ADK: variants seen among roughly 807,000 people sequenced by gnomAD.
ADK encodes the protein adenosine kinase.
A neutral mutation model predicts 44.7 loss-of-function variants in ADK; 24 were observed. That is an observed-to-expected ratio of 0.54 (90% CI 0.39 to 0.76). The LOEUF (loss-of-function observed/expected upper bound fraction) is 0.76, where lower values mean the gene tolerates loss of function less well. ADK is among the 30% of genes least tolerant of loss of function. ADK has a pLI of 0.00. For missense variants in ADK, 321 were observed against 425.1 expected (o/e 0.76, Z 2.15); for synonymous variants, 128 against 142.6 (o/e 0.90, Z 0.73).
intron 3 of ADK, among the ~76,000 whole-genome samples, chr10:74,235,164 C>T (rs1235077966): frequency 2.2e-5 from 3 of 133,506 alleles, no homozygotes; most frequent in African/African-American, 5.6e-5. Flanking sequence ...TCCGGTTTGA[C>T]TTGGGTGGGA....
At chr10:74,307,558 T>C (rs181301953) in intron 3 of ADK, among the ~76,000 whole-genome samples, 73 of 152,306 alleles carry the variant, frequency 4.8e-4, no homozygotes, top group Non-Finnish European at 7.8e-4. Flanking sequence ...GTAGGAATGT[T>C]GGCTGTGATG....
chr10:74,331,035 G>T (rs1162504033), intron 4 of ADK, among the ~76,000 whole-genome samples: 1 of 151,880 alleles, frequency 6.6e-6, no homozygotes, highest in African/African-American at 2.4e-5. Flanking sequence ...GTTTCTATTT[G>T]AACTTTTTTC....
At chr10:74,151,703 G>A (rs576884085) in intron 1 of ADK, among the ~76,000 whole-genome samples, 1 of 152,342 alleles carries the variant, frequency 6.6e-6, no homozygotes, top group East Asian at 1.9e-4. Flanking sequence ...CTTCCCGGGG[G>A]ATGGCGGGAA....
At chr10:74,266,213 T>C (rs1256400145) in intron 3 of ADK, among the ~76,000 whole-genome samples, 1 of 152,152 alleles carries the variant, frequency 6.6e-6, no homozygotes, top group African/African-American at 2.4e-5. Flanking sequence ...GTGCCATTAG[T>C]CTTAGACTGC....
chr10:74,545,928 G>T (rs2133751877), intron 7 of ADK, among the ~76,000 whole-genome samples: 1 of 152,286 alleles, frequency 6.6e-6, no homozygotes, highest in Non-Finnish European at 1.5e-5. Context: ...TGGATTGATA[G>T]TTTGTAGAAA....
chr10:74,364,841 T>A (rs1208754045), intron 4 of ADK, among the ~76,000 whole-genome samples: 2 of 151,974 alleles, frequency 1.3e-5, no homozygotes, highest in South Asian at 2.1e-4. Flanking sequence ...CCTGGGAGTT[T>A]TACAGAATCT....
At chr10:74,620,277 C>T (rs994428748) in intron 9 of ADK, among the ~76,000 whole-genome samples, 1 of 152,144 alleles carries the variant, frequency 6.6e-6, no homozygotes, top group Admixed American at 6.6e-5. Flanking sequence ...CTCCTTCTTA[C>T]CCTTCCCAGC....
chr10:74,331,035 G>C (rs1162504033), intron 4 of ADK, among the ~76,000 whole-genome samples: 2 of 151,880 alleles, frequency 1.3e-5, no homozygotes, highest in Non-Finnish European at 2.9e-5. Flanking sequence ...GTTTCTATTT[G>C]AACTTTTTTC....
intron 6 of ADK, among the ~76,000 whole-genome samples, chr10:74,499,606 T>G (rs1847820298): frequency 6.6e-6 from 1 of 151,828 alleles, no homozygotes; most frequent in South Asian, 2.1e-4. Flanking sequence ...GAGAATGGCG[T>G]GAACCCGGGA....
chr10:74,696,760 G>A (rs1856224233), intron 10 of ADK, among the ~76,000 whole-genome samples: 1 of 151,972 alleles, frequency 6.6e-6, no homozygotes, highest in Non-Finnish European at 1.5e-5. Flanking sequence ...CAGTTATTGG[G>A]TATGACTTTT....
chr10:74,155,720 G>A (rs1238819765), intron 1 of ADK, among the ~76,000 whole-genome samples: 1 of 151,980 alleles, frequency 6.6e-6, no homozygotes, highest in Non-Finnish European at 1.5e-5. Flanking sequence ...AATAGAGACG[G>A]GGTTTAGTAG....
chr10:74,477,630 G>C (rs1846906200), intron 6 of ADK, among the ~76,000 whole-genome samples: 1 of 152,052 alleles, frequency 6.6e-6, no homozygotes, highest in African/African-American at 2.4e-5. Context: ...TGATTTATCA[G>C]CTTTTCAGGA....
chr10:74,233,565 T>C (rs1329297602), intron 3 of ADK, among the ~76,000 whole-genome samples: 1 of 152,202 alleles, frequency 6.6e-6, no homozygotes, highest in Middle Eastern at 3.2e-3. Flanking sequence ...TCTTGTGACA[T>C]ATCTTAAGCT....
chr10:74,409,161 G>A (rs1044508125), intron 6 of ADK, among the ~76,000 whole-genome samples: 1 of 152,068 alleles, frequency 6.6e-6, no homozygotes, highest in Non-Finnish European at 1.5e-5. Flanking sequence ...ATAGTGTTTG[G>A]ATTACATTGT....
At chr10:74,622,748 C>T (rs1465891590) in intron 9 of ADK, among the ~76,000 whole-genome samples, 7 of 152,172 alleles carry the variant, frequency 4.6e-5, no homozygotes. Context: ...TGGCTCATGC[C>T]TGTAATCCTA....
intron 1 of ADK, among the ~76,000 whole-genome samples, chr10:74,193,649 G>A (rs1843028486): frequency 6.6e-6 from 1 of 151,968 alleles, no homozygotes; most frequent in Non-Finnish European, 1.5e-5. Context: ...ACTGGGTATG[G>A]TGGCTATAGT....
At chr10:74,368,525 C>T (rs994353803) in intron 4 of ADK, among the ~76,000 whole-genome samples, 4 of 152,042 alleles carry the variant, frequency 2.6e-5, no homozygotes, top group African/African-American at 9.7e-5. Flanking sequence ...TATCACACAT[C>T]AGATACTTCT....
intron 7 of ADK, among the ~76,000 whole-genome samples, chr10:74,570,883 C>T (rs2133855459): frequency 6.6e-6 from 1 of 152,280 alleles, no homozygotes; most frequent in East Asian, 1.9e-4. Flanking sequence ...AAAGGGAATG[C>T]TTCCAGTTTT....
intron 7 of ADK, among the ~76,000 whole-genome samples, chr10:74,560,517 T>A (rs1408448610): frequency 6.6e-6 from 1 of 152,256 alleles, no homozygotes; most frequent in Non-Finnish European, 1.5e-5. Context: ...TTCTCTAGGA[T>A]GATTAGCAGC....
Sources: gnomAD v4.1 joint callset for allele counts (sites outside exome capture counted in the v4.1 genomes callset) on GRCh38, gnomAD v4.1.1 for gene constraint, MANE v1.5 for transcripts, NCBI Gene and HGNC (gene_info 2026-07-23, HGNC 2026-07-21) for gene names.